P3H3: variants seen among roughly 807,000 people sequenced by gnomAD.
The protein encoded by P3H3 is gene rich cluster, B.
P3H3 carries 64 observed loss-of-function variants against 78.1 expected under a neutral mutation model. The ratio of observed to expected loss-of-function variants is 0.82; its 90% CI spans 0.67 to 1.01. The LOEUF (loss-of-function observed/expected upper bound fraction) is 1.01. P3H3 is among the 50% of genes least tolerant of loss of function. P3H3 has a pLI of 0.00. For missense variants in P3H3, 975 were observed against 982.2 expected (o/e 0.99, Z 0.10); for synonymous variants, 425 against 416.7 (o/e 1.02, Z -0.24).
chr12:6,830,582 G>A, intron 3 of P3H3, 28 bp downstream of exon 3: 1 of 1,582,972 alleles, frequency 6.3e-7, no homozygotes, highest in Admixed American at 1.8e-5. Context: ...GAGGGGGTGG[G>A]TCGGTGCCCA....
In P3H3 at chr12:6,831,128, C is replaced by T; in HGVS notation, c.986-88C>T. The T allele has an allele frequency of 6.5e-7, 1 of 1,543,632 alleles. No homozygotes were observed. The highest frequency in any genetic ancestry group is 2.2e-5 in the East Asian group (1 of 44,526). On this transcript the variant is annotated intron_variant, in intron 4 of 14. Transcript: ENST00000290510. The surrounding 1 kb of genome is among the most constrained non-coding windows in gnomAD (Gnocchi z 4.6). ...AGTTAGCTGTCTGGCCTCTGGAGAC[C>T]ACCTTCTCCAGCACTGCCTCTGCCC...
chr12:6,830,249 A>ACCCTCTT (rs1943433698), intron 2 of P3H3, 104 bp from the exon 3 acceptor site: 2 of 1,153,060 alleles, frequency 1.7e-6, no homozygotes, highest in African/African-American at 3.1e-5. Context: ...GTGAAGAGGG[A>ACCCTCTT]CATGGAGTCC....
At position 6,829,812 on chromosome 12, in the gene P3H3, G is replaced by T; in HGVS notation, c.499-47G>T. 5.0e-6 allele frequency: 8 copies of T among 1,610,206 alleles called. No homozygotes were observed. The highest frequency in any genetic ancestry group is 6.8e-6 in the Non-Finnish European group (8 of 1,177,580). ...GAGGCTGGCCAGGGGGCAGAGGTCTGCCCCCCGTCCCAGGGCTCTGATGCC... is the reference window on the plus strand; with the variant it reads ...GAGGCTGGCCAGGGGGCAGAGGTCTTCCCCCCGTCCCAGGGCTCTGATGCC... On this transcript the variant is annotated intron_variant, in intron 1 of 14. Coordinates refer to ENST00000290510, the MANE Select transcript of P3H3 (RefSeq NM_014262.5). This position sits in a 1 kb window ranked among gnomAD's most constrained non-coding sequence, Gnocchi z 5.1.
chr12:6,834,616 A>G (rs1184844629), intron 9 of P3H3, among the ~76,000 whole-genome samples: 1 of 152,168 alleles, frequency 6.6e-6, no homozygotes, highest in Non-Finnish European at 1.5e-5. Context: ...TACATAATAT[A>G]AGCAGGTGGT....
rs373565451 is a variant in P3H3, at chr12:6,837,708, C to T, written c.1712-24C>T. Reference sequence around the variant, plus strand: ...AGATGGGCACAGGGGCACAGAGGTACCCCCAGACCCCTTTGTGTCCTAGGA... The same window carrying T: ...AGATGGGCACAGGGGCACAGAGGTATCCCCAGACCCCTTTGTGTCCTAGGA... On this transcript the variant is annotated intron_variant, in intron 11 of 14. Coordinates refer to ENST00000290510, the MANE Select transcript of P3H3 (RefSeq NM_014262.5). The T allele has an allele frequency of 1.9e-6, 3 of 1,599,374 alleles. No homozygotes were observed. In the East Asian group the frequency reaches 6.8e-5, roughly 36 times the overall value.
chr12:6,837,455 T>A lies in P3H3; in HGVS notation c.1593T>A (p.Gly531=), dbSNP rs1943510152. Reference sequence around the variant, plus strand: ...GGGCTGGGACAGTGGGCAGTCAGGGTGCTAAGCTGCTTCTGGAGGTGAGCG... The same window carrying A: ...GGGCTGGGACAGTGGGCAGTCAGGGAGCTAAGCTGCTTCTGGAGGTGAGCG... The part of the protein sequence containing the change: ...LARAGTVGSQ[G]AKLLLEVSER... Residue 531 remains glycine (G), a synonymous_variant, in exon 11 of 15, where the codon GGT becomes GGA. Transcript: ENST00000290510. The A allele has an allele frequency of 5.0e-6, 8 of 1,611,276 alleles. No individual in the cohort carries two copies. Among genetic ancestry groups the A allele is most frequent in the Non-Finnish European group, 6.8e-6 (8 of 1,178,914 alleles).
Position 6,831,489 on chromosome 12 carries a change from C to T in P3H3, c.1122+137C>T. The T allele has an allele frequency of 8.1e-7, 1 of 1,241,706 alleles. No homozygotes were observed. The highest frequency in any genetic ancestry group is 1.5e-5 in the African/African-American group (1 of 66,636). 76.9% of individuals were successfully genotyped at this position (1,241,706 alleles called of 1,614,324 possible). A position where few individuals can be genotyped will look rare whatever the true frequency, so the allele number is the denominator to read the frequency against. On this transcript the variant is annotated intron_variant, in intron 5 of 14. Transcript: ENST00000290510. The surrounding 1 kb of genome is among the most constrained non-coding windows in gnomAD (Gnocchi z 4.6). ...ACCCAAAGGACTCCAAGTCCAGCAT[C>T]TGACTTCCGTCTCCACTCCCTGCTC...
chr12:6,834,089 T>C, intron 9 of P3H3, 40 bp downstream of exon 9: 1 of 1,610,270 alleles, frequency 6.2e-7, no homozygotes, highest in Non-Finnish European at 8.5e-7. Flanking sequence ...TTCAAGACTC[T>C]TGGATACAAT....
rs371912698 is a variant in P3H3, at chr12:6,829,998, C to A, written c.638C>A (p.Thr213Lys). ...CCCCAGAGCTTCCGGGACCTGGAGA[C>A]GCCCCCACACTGGGTGAGAATCCCA... The part of the protein sequence containing the change: ...VRPQSFRDLE[T>K]PPHWAAYDTG... The change falls in exon 2 of 15, where the codon ACG becomes AAG. Residue 213 changes from threonine to lysine, a missense_variant. By Grantham distance (78) the Thr-to-Lys change is moderately conservative. Coordinates refer to ENST00000290510, the MANE Select transcript of P3H3 (RefSeq NM_014262.5). This position sits in a 1 kb window ranked among gnomAD's most constrained non-coding sequence, Gnocchi z 5.1. 1 of 1,613,862 alleles carries A rather than the reference C, an allele frequency of 6.2e-7. No individual in the cohort carries two copies. The highest frequency in any genetic ancestry group is 1.1e-5 in the South Asian group (1 of 91,086).
In P3H3 at chr12:6,831,204, C is replaced by T. The variant is rs373643207; in HGVS notation, c.986-12C>T. 7.4e-6 allele frequency: 12 copies of T among 1,613,650 alleles called. No homozygotes were observed. The African/African-American group carries it at 1.1e-4, about 14-fold the overall frequency. On this transcript the variant is annotated splice_polypyrimidine_tract_variant and intron_variant, in intron 4 of 14. Coordinates refer to ENST00000290510, the MANE Select transcript of P3H3 (RefSeq NM_014262.5). This position sits in a 1 kb window ranked among gnomAD's most constrained non-coding sequence, Gnocchi z 4.6. ...CATCCCCCAACCCCTGACCTTGTCGCTCCCTCTCCAGTGGGCAATCTGTCC... is the reference window on the plus strand; with the variant it reads ...CATCCCCCAACCCCTGACCTTGTCGTTCCCTCTCCAGTGGGCAATCTGTCC...
intron 14 of P3H3, 57 bp downstream of exon 14, chr12:6,839,197 G>A (rs1943533491): frequency 6.4e-7 from 1 of 1,570,146 alleles, no homozygotes; most frequent in East Asian, 2.3e-5. Context: ...GGTGGGCAAG[G>A]AGCCCCCGAG....
chr12:6,830,576 G>A, intron 3 of P3H3, 22 bp downstream of exon 3: 1 of 1,580,432 alleles, frequency 6.3e-7, no homozygotes, highest in Non-Finnish European at 8.6e-7. Context: ...GTGTGTGAGG[G>A]GGTGGGTCGG....
chr12:6,830,615 A>G, intron 3 of P3H3, 24 bp from the exon 4 acceptor site: 2 of 1,601,576 alleles, frequency 1.2e-6, no homozygotes, highest in Non-Finnish European at 8.5e-7. Flanking sequence ...AACAAGCTGA[A>G]TGGCTTATGG....
At chr12:6,832,023 GTC>G in intron 6 of P3H3, 109 bp downstream of exon 6, 1 of 689,508 alleles carries the variant, frequency 1.5e-6, no homozygotes, top group South Asian at 1.7e-5. Context: ...TTGGAGAAGA[GTC>G]TGCCATCCCA....
chr12:6,830,014 G>A lies in P3H3; in HGVS notation c.651+3G>A, dbSNP rs1941764144. 6.2e-7 allele frequency: 1 copy of A among 1,613,640 alleles called. No individual in the cohort carries two copies. Among genetic ancestry groups the A allele is most frequent in the African/African-American group, 1.3e-5 (1 of 74,938 alleles). ...ACCTGGAGACGCCCCCACACTGGGT[G>A]AGAATCCCAGCACCACCCCTGTCTT... is the stretch of plus-strand genomic sequence containing the variant. On this transcript the variant is annotated splice_donor_region_variant and intron_variant, in intron 2 of 14. Transcript: ENST00000290510.
Position 6,838,987 on chromosome 12 carries a change from C to T in P3H3, c.1906-13C>T. On this transcript the variant is annotated splice_polypyrimidine_tract_variant and intron_variant, in intron 13 of 14. Coordinates refer to ENST00000290510, the MANE Select transcript of P3H3 (RefSeq NM_014262.5). Reference sequence around the variant, plus strand: ...GCCAATCCCTGGAGCTGAACCTGCCCTCATCCCTCCAGGCTCGGGTGCGTC... The same window carrying T: ...GCCAATCCCTGGAGCTGAACCTGCCTTCATCCCTCCAGGCTCGGGTGCGTC... 1 of 1,570,356 alleles carries T rather than the reference C, an allele frequency of 6.4e-7. No homozygotes were observed. The highest frequency in any genetic ancestry group is 1.7e-4 in the Middle Eastern group (1 of 5,842).
Position 6,828,845 on chromosome 12 carries a change from C to T in P3H3, c.405C>T (p.Pro135=), listed in dbSNP as rs1344026404. ...LTQCAARRLG[P]GGAARLRVGS... is the part of the protein sequence containing the mutation. ...AGTGCGCAGCACGGAGGCTGGGCCC[C>T]GGGGGCGCGGCGCGGCTTCGCGTGG... The change falls in exon 1 of 15, where the codon CCC becomes CCT. Residue 135 remains proline (P), a synonymous_variant. Transcript: ENST00000290510. The T allele has an allele frequency of 3.2e-6, 4 of 1,244,790 alleles. No individual in the cohort carries two copies. The highest frequency in any genetic ancestry group is 3.1e-5 in the East Asian group (1 of 31,754). The allele number at this position is 1,244,790 out of a possible 1,614,324, so 77.1% of individuals were successfully genotyped here. A position where few individuals can be genotyped will look rare whatever the true frequency, so the allele number is the denominator to read the frequency against.
At chr12:6,838,187 G>A (rs12426426) in intron 13 of P3H3, 154 bp downstream of exon 13, 11 of 1,011,488 alleles carry the variant, frequency 1.1e-5, no homozygotes, top group Admixed American at 9.8e-5. Flanking sequence ...TGCTTCCTCC[G>A]TAGCAAGGTC....
rs953311346 is a variant in P3H3, at chr12:6,839,339, G to A, written c.2089G>A (p.Glu697Lys). 2 of 1,553,574 alleles carry A rather than the reference G, an allele frequency of 1.3e-6. No homozygotes were observed. The highest frequency in any genetic ancestry group is 1.7e-6 in the Non-Finnish European group (2 of 1,147,910). ...AKELLQESQEEEEEEEEEMPS... is the reference protein window; with the variant it reads ...AKELLQESQEKEEEEEEEMPS... ...AGAACTGCTGCAGGAGTCACAGGAG[G>A]AGGAGGAAGAGGAAGAGGAAGAAAT... Residue 697 changes from glutamate to lysine, a missense_variant, in exon 15 of 15, where the codon GAG (glutamate) becomes AAG (lysine). By Grantham distance (56) the Glu-to-Lys change is moderately conservative. Coordinates refer to ENST00000290510, the MANE Select transcript of P3H3 (RefSeq NM_014262.5).
Sources: gnomAD v4.1 joint callset for allele counts (sites outside exome capture counted in the v4.1 genomes callset) on GRCh38, gnomAD v4.1.1 for gene constraint, Gnocchi (gnomAD v3.1) non-coding constraint, MANE v1.5 for transcripts, NCBI Gene and HGNC (gene_info 2026-07-23, HGNC 2026-07-21) for gene names.